The following PRKAR1A variants were observed in gnomAD, a reference collection of about 807,000 sequenced individuals.
The protein encoded by PRKAR1A is cAMP-dependent protein kinase type I-alpha regulatory subunit.
PRKAR1A carries 3 observed loss-of-function variants against 52.0 expected under a neutral mutation model. The ratio of observed to expected loss-of-function variants is 0.06; its 90% CI spans 0.03 to 0.15. The LOEUF is 0.15. Among genes scored for constraint, PRKAR1A ranks in the 10% least tolerant of loss-of-function variants. The pLI is 1.00. For synonymous variants in PRKAR1A, 188 were observed against 168.4 expected (o/e 1.12, Z -0.90); for missense variants, 240 against 477.4 (o/e 0.50, Z 4.63).
the PRKAR1A span, among the ~76,000 whole-genome samples, chr17:68,473,948 A>T: frequency 2.2e-4 from 33 of 152,166 alleles, no homozygotes; most frequent in Non-Finnish European, 3.8e-4. Flanking sequence ...GAGAGAACTT[A>T]TTCTTTATTG....
the PRKAR1A span, among the ~76,000 whole-genome samples, chr17:68,459,552 A>C: frequency 6.6e-6 from 1 of 152,214 alleles, no homozygotes; most frequent in African/African-American, 2.4e-5. Context: ...TTAGGGGACT[A>C]ATGTGAAATT....
chr17:68,505,339 C>T, the PRKAR1A span, among the ~76,000 whole-genome samples: 1 of 152,062 alleles, frequency 6.6e-6, no homozygotes, highest in Admixed American at 6.6e-5. Context: ...CAGTGGTTAT[C>T]AGGGCCTTAG....
At chr17:68,447,709 G>A in the PRKAR1A span, among the ~76,000 whole-genome samples, 3 of 152,060 alleles carry the variant, frequency 2.0e-5, no homozygotes, top group Admixed American at 6.6e-5. Context: ...AAAGGGATTT[G>A]GGGCCAGGTG....
Position 68,533,237 on chromosome 17 carries a change from G to T in PRKAR1A, c.*2788G>T, listed in dbSNP as rs1023966211. On this transcript the variant is annotated 3_prime_UTR_variant, in exon 11 of 11. Coordinates refer to ENST00000589228, the MANE Select transcript of PRKAR1A (RefSeq NM_002734.5). ...CTCTTAGATTTCTGAGGAGTGAGAT[G>T]ATTAAGTTGTATTCATTAGTGTATT... is the stretch of plus-strand genomic sequence containing the variant. 3 of 1,060,924 alleles carry T rather than the reference G, an allele frequency of 2.8e-6. No individual in the cohort carries two copies. The African/African-American group carries it at 4.9e-5, about 17-fold the overall frequency. 65.7% of individuals were successfully genotyped at this position (1,060,924 alleles called of 1,614,324 possible).
At chr17:68,486,505 C>CTTT in the PRKAR1A span, among the ~76,000 whole-genome samples, 303 of 39,016 alleles carry the variant, frequency 7.8e-3, no homozygotes, top group African/African-American at 0.017. Context: ...TTCCTTCCTT[C>CTTT]CTTCTTTCTT....
chr17:68,482,232 C>G, the PRKAR1A span, among the ~76,000 whole-genome samples: 1 of 152,182 alleles, frequency 6.6e-6, no homozygotes, highest in Non-Finnish European at 1.5e-5. Context: ...AAACTTATGT[C>G]GTCTTTATTG....
the PRKAR1A span, among the ~76,000 whole-genome samples, chr17:68,487,775 G>A: frequency 1.3e-5 from 2 of 150,972 alleles, no homozygotes; most frequent in African/African-American, 4.9e-5. Flanking sequence ...ACTCCAGCCT[G>A]GGCGACAGAG....
chr17:68,497,030 C>T, the PRKAR1A span, among the ~76,000 whole-genome samples: 8 of 151,690 alleles, frequency 5.3e-5, no homozygotes, highest in Middle Eastern at 3.2e-3. Context: ...TGCCATGCTG[C>T]TCAGGCTGGT....
the PRKAR1A span, among the ~76,000 whole-genome samples, chr17:68,442,500 G>T: frequency 6.6e-6 from 1 of 151,228 alleles, no homozygotes; most frequent in Non-Finnish European, 1.5e-5. Flanking sequence ...ACATCTGTTT[G>T]CAAGGGAGGG....
chr17:68,505,029 G>C, the PRKAR1A span, among the ~76,000 whole-genome samples: 2 of 152,206 alleles, frequency 1.3e-5, no homozygotes, highest in Non-Finnish European at 2.9e-5. Context: ...CAGGCGTGGT[G>C]GCTCACATCT....
At chr17:68,509,735 G>C (rs1310431475), upstream of PRKAR1A, among the ~76,000 whole-genome samples, 1 of 152,206 alleles carries the variant, frequency 6.6e-6, no homozygotes, top group Non-Finnish European at 1.5e-5. Context: ...TAGTTTTTCA[G>C]AACAGCTGTC....
the PRKAR1A span, among the ~76,000 whole-genome samples, chr17:68,474,208 A>G: frequency 6.6e-6 from 1 of 152,188 alleles, no homozygotes; most frequent in Non-Finnish European, 1.5e-5. Context: ...CAGCTGAAAA[A>G]TGTTAAGCCT....
downstream of PRKAR1A, chr17:68,536,584 T>C (rs1235761721): frequency 4.4e-6 from 2 of 453,616 alleles, no homozygotes; most frequent in Admixed American, 2.4e-5. Flanking sequence ...CTTTCTTCTT[T>C]TGGGGATGGG....
At chr17:68,467,130 A>G in the PRKAR1A span, among the ~76,000 whole-genome samples, 4 of 152,250 alleles carry the variant, frequency 2.6e-5, no homozygotes, top group African/African-American at 9.6e-5. Flanking sequence ...ATTCCTTTGA[A>G]TACGCATATC....
the PRKAR1A span, among the ~76,000 whole-genome samples, chr17:68,487,951 A>T: frequency 0.025 from 3,848 of 152,270 alleles, 133 homozygotes; most frequent in African/African-American, 0.085. Flanking sequence ...AAATAAAAAA[A>T]ATGCACTCAT....
At chr17:68,520,442 G>T (rs1273581145) in intron 2 of PRKAR1A, among the ~76,000 whole-genome samples, 1 of 152,156 alleles carries the variant, frequency 6.6e-6, no homozygotes, top group Non-Finnish European at 1.5e-5. Flanking sequence ...AGTAGACTGG[G>T]AGGTTTTTTC....
At position 68,533,000 on chromosome 17, in the gene PRKAR1A, GA is replaced by G; in HGVS notation, c.*2558del. 3.8e-6 allele frequency: 4 copies of G among 1,065,780 alleles called. No homozygotes were observed. The highest frequency in any genetic ancestry group is 5.3e-5 in the Admixed American group (1 of 18,768). 66.0% of individuals were successfully genotyped at this position (1,065,780 alleles called of 1,614,324 possible). A position where few individuals can be genotyped will look rare whatever the true frequency, so the allele number is the denominator to read the frequency against. On this transcript the variant is annotated 3_prime_UTR_variant, in exon 11 of 11. Coordinates refer to ENST00000589228, the MANE Select transcript of PRKAR1A (RefSeq NM_002734.5). ...AGATTTATTTACTTAGTCATGGAAAGAAAAAAATTCAGTCAAAAGCTAAAGA... is the reference window on the plus strand; with the variant it reads ...AGATTTATTTACTTAGTCATGGAAAGAAAAAATTCAGTCAAAAGCTAAAGA...
At chr17:68,495,612 G>T in the PRKAR1A span, among the ~76,000 whole-genome samples, 1 of 152,060 alleles carries the variant, frequency 6.6e-6, no homozygotes, top group Non-Finnish European at 1.5e-5. Context: ...TGTATTGCAC[G>T]TGCTTCTCTT....
chr17:68,523,110 T>C (rs2085670001), intron 3 of PRKAR1A, among the ~76,000 whole-genome samples, 184 bp downstream of exon 3: 1 of 152,196 alleles, frequency 6.6e-6, no homozygotes, highest in African/African-American at 2.4e-5. Flanking sequence ...TAACTAATAG[T>C]GATTATGAAC....
Sources: gnomAD v4.1 joint callset for allele counts (sites outside exome capture counted in the v4.1 genomes callset) on GRCh38, gnomAD v4.1.1 for gene constraint, MANE v1.5 for transcripts, NCBI Gene and HGNC (gene_info 2026-07-23, HGNC 2026-07-21) for gene names.